KATNAL2: variants seen among roughly 807,000 people sequenced by gnomAD.
KATNAL2 encodes katanin catalytic subunit A1 like 2, also known as katanin p60 ATPase-containing subunit A-like 2.
KATNAL2 carries 52 observed loss-of-function variants against 76.3 expected under a neutral mutation model. The observed-to-expected ratio is 0.68, with a 90% CI of 0.55 to 0.86. The LOEUF (loss-of-function observed/expected upper bound fraction) is 0.86. KATNAL2 is among the 40% of genes least tolerant of loss of function. The pLI is 0.00. For missense variants in KATNAL2, 660 were observed against 668.9 expected, an observed-to-expected ratio of 0.99 and a Z score of 0.15; for synonymous variants, 243 against 244.2, an observed-to-expected ratio of 1.00 and a Z score of 0.05.
intron 3 of KATNAL2, among the ~76,000 whole-genome samples, chr18:46,950,600 C>T (rs369905005): frequency 8.5e-5 from 13 of 152,116 alleles, no homozygotes; most frequent in African/African-American, 2.2e-4. Context: ...TCTCCTGCTT[C>T]ACCTCAACTG....
intron 1 of KATNAL2, among the ~76,000 whole-genome samples, chr18:46,925,869 C>T (rs1490327566): frequency 2.0e-5 from 3 of 152,080 alleles, no homozygotes; most frequent in East Asian, 1.9e-4. Flanking sequence ...AGTTTATTTG[C>T]GTAGAGGTGT....
At chr18:46,923,405 AT>A in intron 1 of KATNAL2, among the ~76,000 whole-genome samples, 1 of 150,234 alleles carries the variant, frequency 6.7e-6, no homozygotes. Flanking sequence ...TGAACTCATC[AT>A]TTTTTATGGC....
At chr18:46,965,583 C>CG (rs1569032312) in intron 3 of KATNAL2, among the ~76,000 whole-genome samples, 3 of 74,912 alleles carry the variant, frequency 4.0e-5, no homozygotes, top group South Asian at 8.8e-4. Context: ...GCATCCCCGC[C>CG]CCCCCCCCCC....
At chr18:46,918,698 A>G (rs2058294905) in intron 1 of KATNAL2, among the ~76,000 whole-genome samples, 1 of 152,164 alleles carries the variant, frequency 6.6e-6, no homozygotes, top group South Asian at 2.1e-4. Context: ...CTGAGATTAC[A>G]GGCGTGAGCC....
At chr18:47,047,437 G>A (rs537877330) in intron 4 of KATNAL2, among the ~76,000 whole-genome samples, 16 of 152,126 alleles carry the variant, frequency 1.1e-4, no homozygotes, top group Admixed American at 9.2e-4. Context: ...TAAACGTATT[G>A]CATTTACTTG....
intron 15 of KATNAL2, 63 bp from the exon 16 acceptor site, chr18:47,099,180 A>G (rs1472664636): frequency 2.5e-5 from 37 of 1,503,904 alleles, no homozygotes; most frequent in Middle Eastern, 1.8e-4. Context: ...TTCTTAAAGT[A>G]CAGTTGTTGT....
chr18:47,035,077 C>A, intron 3 of KATNAL2: 1 of 1,611,334 alleles, frequency 6.2e-7, no homozygotes, highest in East Asian at 2.2e-5. Context: ...GGCAAAGTCG[C>A]CCACGTGCTG....
chr18:47,034,003 C>T (rs776459173), intron 3 of KATNAL2: 9 of 1,613,864 alleles, frequency 5.6e-6, no homozygotes, highest in Non-Finnish European at 7.6e-6. Flanking sequence ...CCAGGACTCA[C>T]GAGTGCCCTT....
chr18:47,093,400 CCT>C (rs1491092251), intron 15 of KATNAL2, among the ~76,000 whole-genome samples: 2 of 138,080 alleles, frequency 1.4e-5, no homozygotes, highest in African/African-American at 2.9e-5. Flanking sequence ...TTTTCTCTGT[CCT>C]TTTTTTTTTT....
intron 6 of KATNAL2, 105 bp from the exon 7 acceptor site, chr18:47,058,130 T>A: frequency 1.2e-6 from 1 of 818,410 alleles, no homozygotes; most frequent in Non-Finnish European, 2.1e-6. Flanking sequence ...CCTGCATATC[T>A]TTCAATAGCT....
At chr18:46,961,524 G>T (rs1599485970) in intron 3 of KATNAL2, among the ~76,000 whole-genome samples, 1 of 152,206 alleles carries the variant, frequency 6.6e-6, no homozygotes, top group Non-Finnish European at 1.5e-5. Context: ...GGAAGAGCAA[G>T]CAACTTCCTA....
rs756543165 is a variant in KATNAL2, at chr18:46,946,476, A to C, written c.-90A>C. On this transcript the variant is annotated 5_prime_UTR_variant, in exon 2 of 18. Transcript: ENST00000683218. ...GGAGGAGAAGACGGGACGTCAAAATATAGTCTTGGGTATAGAAGCATTGGG... is the reference window on the plus strand; with the variant it reads ...GGAGGAGAAGACGGGACGTCAAAATCTAGTCTTGGGTATAGAAGCATTGGG... The C allele has an allele frequency of 1.7e-4, 163 of 985,346 alleles. No homozygotes were observed. The highest frequency in any genetic ancestry group is 2.0e-4 in the Non-Finnish European group (162 of 829,940). The allele number at this position is 985,346 out of a possible 1,614,324, so 61.0% of individuals were successfully genotyped here.
intron 1 of KATNAL2, among the ~76,000 whole-genome samples, chr18:46,922,740 T>C (rs888724984): frequency 1.3e-5 from 2 of 151,822 alleles, no homozygotes; most frequent in African/African-American, 4.8e-5. Flanking sequence ...GAGGTTGCAG[T>C]GAGTGGAGAT....
chr18:47,077,087 C>T (rs1417570161), intron 14 of KATNAL2, among the ~76,000 whole-genome samples: 1 of 152,068 alleles, frequency 6.6e-6, no homozygotes, highest in Non-Finnish European at 1.5e-5. Context: ...GGACTGTGGA[C>T]CCTTTAGTTA....
intron 4 of KATNAL2, among the ~76,000 whole-genome samples, chr18:47,051,071 C>G (rs2061326911): frequency 6.6e-6 from 1 of 152,156 alleles, no homozygotes; most frequent in African/African-American, 2.4e-5. Context: ...CTGCGTCTCT[C>G]TCTTGTGTCT....
intron 3 of KATNAL2, among the ~76,000 whole-genome samples, chr18:47,041,699 A>G (rs987530428): frequency 2.4e-4 from 36 of 152,166 alleles, no homozygotes; most frequent in African/African-American, 8.2e-4. Context: ...TAAGTTTTCA[A>G]TTCATTTGGG....
intron 1 of KATNAL2, among the ~76,000 whole-genome samples, chr18:46,933,508 A>C (rs1166490911): frequency 6.6e-6 from 1 of 152,198 alleles, no homozygotes; most frequent in African/African-American, 2.4e-5. Flanking sequence ...TATACTAATC[A>C]GGAAATCTGA....
At chr18:47,060,725 G>C (rs920107489) in intron 8 of KATNAL2, among the ~76,000 whole-genome samples, 1 of 152,090 alleles carries the variant, frequency 6.6e-6, no homozygotes, top group African/African-American at 2.4e-5. Context: ...GGGGTGACTG[G>C]AGCATATCCC....
intron 1 of KATNAL2, among the ~76,000 whole-genome samples, chr18:46,937,922 AG>A (rs2059139574): frequency 2.0e-5 from 3 of 152,042 alleles, no homozygotes; most frequent in Admixed American, 2.0e-4. Flanking sequence ...GGGGCAACAT[AG>A]GGAGATCTCC....
Sources: allele counts gnomAD v4.1 joint callset (sites outside exome capture counted in the v4.1 genomes callset), GRCh38; gene constraint gnomAD v4.1.1; transcripts MANE v1.5; gene names NCBI Gene and HGNC (gene_info 2026-07-23, HGNC 2026-07-21).